JCHAIN: variants seen among roughly 807,000 people sequenced by gnomAD.
JCHAIN encodes the protein immunoglobulin J chain.
A neutral mutation model predicts 11.1 loss-of-function variants in JCHAIN; 5 were observed. The observed-to-expected ratio is 0.45, with a 90% CI of 0.24 to 0.95. The LOEUF is 0.95. Among genes scored for constraint, JCHAIN ranks in the 40% least tolerant of loss-of-function variants. The probability of loss-of-function intolerance (pLI) is 0.21; values close to 1 mark genes in which losing one functional copy is unlikely to be tolerated. For missense variants in JCHAIN, 165 were observed against 192.7 expected (o/e 0.86, Z 0.85); for synonymous variants, 51 against 67.8 (o/e 0.75, Z 1.22).
At chr4:70,662,789 T>C (rs1577979733) in intron 1 of JCHAIN, among the ~76,000 whole-genome samples, 1 of 151,926 alleles carries the variant, frequency 6.6e-6, no homozygotes, top group South Asian at 2.1e-4. Context: ...TGAAACCCCA[T>C]CTCTACTAAA....
At chr4:70,665,694 A>C (rs763083955) in intron 1 of JCHAIN, among the ~76,000 whole-genome samples, 3 of 151,960 alleles carry the variant, frequency 2.0e-5, no homozygotes, top group Non-Finnish European at 4.4e-5. Flanking sequence ...AATCATTAGA[A>C]AGTTATTCTT....
At chr4:70,661,925 A>G (rs1026155164) in intron 2 of JCHAIN, among the ~76,000 whole-genome samples, 167 bp downstream of exon 2, 1 of 152,234 alleles carries the variant, frequency 6.6e-6, no homozygotes, top group African/African-American at 2.4e-5. Flanking sequence ...CCCTAATTTC[A>G]ATAAAATTGC....
intron 2 of JCHAIN, among the ~76,000 whole-genome samples, chr4:70,658,015 G>T (rs778767295): frequency 6.6e-6 from 1 of 151,902 alleles, no homozygotes; most frequent in African/African-American, 2.4e-5. Flanking sequence ...CTCATGTGCA[G>T]CCCTCCCTAC....
chr4:70,656,530 T>A lies in JCHAIN; in HGVS notation c.279A>T (p.Lys93Asn). The change falls in exon 4 of 4, where the codon AAA (lysine) becomes AAT (asparagine). Residue 93 changes from lysine to asparagine, a missense_variant. By Grantham distance (94) the Lys-to-Asn change is moderately conservative. Coordinates refer to ENST00000254801, the MANE Select transcript of JCHAIN (RefSeq NM_144646.4). ...CCAGCTCCACTTCTGTAGGATCACA[T>A]TTTTTACAGCTGAAAAGCAAATATA... Reference protein sequence around the residue: ...FVYHLSDLCKKCDPTEVELDN... With the variant: ...FVYHLSDLCKNCDPTEVELDN... 1.2e-6 allele frequency: 2 copies of A among 1,611,592 alleles called. No individual in the cohort carries two copies. The highest frequency in any genetic ancestry group is 1.3e-5 in the African/African-American group (1 of 75,010).
At position 70,656,519 on chromosome 4, in the gene JCHAIN, G is replaced by A; in HGVS notation, c.290C>T (p.Thr97Ile). Residue 97 changes from threonine (T) to isoleucine (I), a missense_variant, in exon 4 of 4, where the codon ACA (threonine) becomes ATA (isoleucine). Coordinates refer to ENST00000254801, the MANE Select transcript of JCHAIN (RefSeq NM_144646.4). ...TATCTGATTATCCAGCTCCACTTCT[G>A]TAGGATCACATTTTTTACAGCTGAA... The part of the protein sequence containing the change: ...LSDLCKKCDP[T>I]EVELDNQIVT... The A allele has an allele frequency of 6.2e-7, 1 of 1,612,936 alleles. No individual in the cohort carries two copies. Among genetic ancestry groups the A allele is most frequent in the Non-Finnish European group, 8.5e-7 (1 of 1,179,614 alleles).
rs1292877914 is a variant in JCHAIN, at chr4:70,656,430, C to T, written c.379G>A (p.Asp127Asn). The T allele has an allele frequency of 3.1e-6, 5 of 1,613,836 alleles. No homozygotes were observed. In the Admixed American group the frequency reaches 6.7e-5, roughly 22 times the overall value. Residue 127 changes from aspartate (D) to asparagine (N), a missense_variant, in exon 4 of 4, where the codon GAC becomes AAC. By Grantham distance (23) the Asp-to-Asn change is conservative. Transcript: ENST00000254801. ...ACAGCTGTGTAGCACTTGTTTCTGT[C>T]ATAAGTGTAGCAGGTCTCTGTAGCA... Reference protein sequence around the residue: ...DSATETCYTYDRNKCYTAVVP... With the variant: ...DSATETCYTYNRNKCYTAVVP...
Position 70,656,410 on chromosome 4 carries a change from T to G in JCHAIN, c.399A>C (p.Thr133=), listed in dbSNP as rs947497900. ...CYTYDRNKCY[T]AVVPLVYGGE... ...CACCATATACGAGTGGGACCACAGC[T>G]GTGTAGCACTTGTTTCTGTCATAAG... is the stretch of plus-strand genomic sequence containing the variant. Residue 133 remains threonine, a synonymous_variant, in exon 4 of 4, where the codon ACA becomes ACC. Coordinates refer to ENST00000254801, the MANE Select transcript of JCHAIN (RefSeq NM_144646.4). 3 of 1,613,974 alleles carry G rather than the reference T, an allele frequency of 1.9e-6. No homozygotes were observed. Among genetic ancestry groups the G allele is most frequent in the Non-Finnish European group, 2.5e-6 (3 of 1,179,928 alleles).
At chr4:70,663,215 A>G (rs1739094136) in intron 1 of JCHAIN, among the ~76,000 whole-genome samples, 1 of 151,924 alleles carries the variant, frequency 6.6e-6, no homozygotes, top group African/African-American at 2.4e-5. Flanking sequence ...ATTTGCCAGA[A>G]TGTCTCACTC....
rs1315224740 is a variant in JCHAIN, at chr4:70,656,477, C to T, written c.332G>A (p.Ser111Asn). 5 of 1,613,804 alleles carry T rather than the reference C, an allele frequency of 3.1e-6. No homozygotes were observed. Among genetic ancestry groups the T allele is most frequent in the South Asian group, 2.2e-5 (2 of 91,084 alleles). ...AGCACTGTCTTCATCACAGATATTGCTCTGGGTAGCAGTAACTATCTGATT... is the reference window on the plus strand; with the variant it reads ...AGCACTGTCTTCATCACAGATATTGTTCTGGGTAGCAGTAACTATCTGATT... ...LDNQIVTATQ[S>N]NICDEDSATE... Residue 111 changes from serine (S) to asparagine (N), a missense_variant, in exon 4 of 4, where the codon AGC becomes AAC. Ser to Asn is a conservative substitution (Grantham distance 46). Coordinates refer to ENST00000254801, the MANE Select transcript of JCHAIN (RefSeq NM_144646.4).
At chr4:70,656,621 T>A in intron 3 of JCHAIN, 82 bp from the exon 4 acceptor site, 1 of 1,000,384 alleles carries the variant, frequency 1.0e-6, no homozygotes, top group Non-Finnish European at 1.6e-6. Context: ...CAAAATCAAT[T>A]AGTTCTTGCA....
chr4:70,665,125 G>A (rs1157751763), intron 1 of JCHAIN, among the ~76,000 whole-genome samples: 1 of 152,216 alleles, frequency 6.6e-6, no homozygotes, highest in South Asian at 2.1e-4. Context: ...AACAACATAT[G>A]CTAGATATGA....
In JCHAIN at chr4:70,656,445, T is replaced by C. The variant is rs765322118; in HGVS notation, c.364A>G (p.Thr122Ala). The part of the protein sequence containing the change: ...NICDEDSATE[T>A]CYTYDRNKCY... ...TTGTTTCTGTCATAAGTGTAGCAGG[T>C]CTCTGTAGCACTGTCTTCATCACAG... Residue 122 changes from threonine (T) to alanine (A), a missense_variant, in exon 4 of 4, where the codon ACC becomes GCC. By Grantham distance (58) the Thr-to-Ala change is moderately conservative. Coordinates refer to ENST00000254801, the MANE Select transcript of JCHAIN (RefSeq NM_144646.4). 3.1e-6 allele frequency: 5 copies of C among 1,613,694 alleles called. No homozygotes were observed. Among genetic ancestry groups the C allele is most frequent in the Non-Finnish European group, 4.2e-6 (5 of 1,179,594 alleles).
At position 70,656,354 on chromosome 4, in the gene JCHAIN, G is replaced by T; in HGVS notation, c.455C>A (p.Thr152Asn). Residue 152 changes from threonine (T) to asparagine (N), a missense_variant, in exon 4 of 4, where the codon ACC becomes AAC. Physicochemically the swap from Thr to Asn is moderately conservative, Grantham distance 65. Coordinates refer to ENST00000254801, the MANE Select transcript of JCHAIN (RefSeq NM_144646.4). ...GETKMVETAL[T>N]PDACYPD The stretch of plus-strand genomic sequence containing the variant: ...TTAGTCAGGATAGCAGGCATCTGGG[G>T]TTAAGGCTGTTTCCACCATTTTGGT... 6.2e-7 allele frequency: 1 copy of T among 1,613,852 alleles called. No individual in the cohort carries two copies. The highest frequency in any genetic ancestry group is 8.5e-7 in the Non-Finnish European group (1 of 1,179,750).
At chr4:70,658,143 A>G (rs16845333) in intron 2 of JCHAIN, among the ~76,000 whole-genome samples, 5,421 of 152,188 alleles carry the variant, frequency 0.036, 334 homozygotes, top group African/African-American at 0.12. Flanking sequence ...TCAATCTCAC[A>G]GTCCAGTTGA....
At chr4:70,660,215 CA>C (rs1225844134) in intron 2 of JCHAIN, among the ~76,000 whole-genome samples, 1 of 151,976 alleles carries the variant, frequency 6.6e-6, no homozygotes, top group Non-Finnish European at 1.5e-5. Context: ...TCTGAGTGGT[CA>C]AAGAAAACCT....
chr4:70,665,623 A>C (rs1330119832), intron 1 of JCHAIN, among the ~76,000 whole-genome samples: 1 of 151,942 alleles, frequency 6.6e-6, no homozygotes, highest in Non-Finnish European at 1.5e-5. Flanking sequence ...TATATATCAT[A>C]TATTTTTAGA....
rs924826795 is a variant in JCHAIN, at chr4:70,662,147, T to C, written c.133A>G (p.Ile45Val). The C allele has an allele frequency of 6.2e-7, 1 of 1,612,480 alleles. No homozygotes were observed. The highest frequency in any genetic ancestry group is 8.5e-7 in the Non-Finnish European group (1 of 1,178,612). Reference sequence around the variant, plus strand: ...TCATTAGGATCTTCGGAAGAACGGATGATCCTGGAAGTAATCCGGGCACAC... The same window carrying C: ...TCATTAGGATCTTCGGAAGAACGGACGATCCTGGAAGTAATCCGGGCACAC... ...CKCARITSRI[I>V]RSSEDPNEDI... The change falls in exon 2 of 4, where the codon ATC becomes GTC. Residue 45 changes from isoleucine (I) to valine (V), a missense_variant. Ile to Val is a conservative substitution (Grantham distance 29). Transcript: ENST00000254801.
chr4:70,665,088 A>G (rs1300991853), intron 1 of JCHAIN, among the ~76,000 whole-genome samples: 1 of 152,190 alleles, frequency 6.6e-6, no homozygotes, highest in Non-Finnish European at 1.5e-5. Context: ...AATTTAATTC[A>G]CTTCAAACAA....
rs1397257711 is a variant in JCHAIN at position 70,666,221 on chromosome 4, C to A, written c.64+206G>T. Among the ~76,000 whole-genome samples, 4 of 151,870 alleles carry A rather than the reference C, an allele frequency of 2.6e-5. No homozygotes were observed. In the East Asian group the frequency reaches 7.7e-4, roughly 29 times the overall value. On this transcript the variant is annotated intron_variant, in intron 1 of 3. Coordinates refer to ENST00000254801, the MANE Select transcript of JCHAIN (RefSeq NM_144646.4). ...TTCTTATTCTCTAGTTTGTAGTAGG[C>A]AAACAAGTAAGTAAGATAAGAGAAA... is the stretch of plus-strand genomic sequence containing the variant.
Sources: gnomAD v4.1 joint callset for allele counts (sites outside exome capture counted in the v4.1 genomes callset) on GRCh38, gnomAD v4.1.1 for gene constraint, MANE v1.5 for transcripts, NCBI Gene and HGNC (gene_info 2026-07-23, HGNC 2026-07-21) for gene names.